The following LRRC72 variants were observed in gnomAD, a reference collection of about 807,000 sequenced individuals.
LRRC72 encodes the protein leucine-rich repeat-containing protein 72.
A neutral mutation model predicts 35.8 loss-of-function variants in LRRC72; 41 were observed. The ratio of observed to expected loss-of-function variants is 1.15; its 90% confidence interval spans 0.89 to 1.49. LRRC72 has a LOEUF of 1.49. Ranked by LOEUF, LRRC72 falls within the 40% of genes most tolerant of loss-of-function variation. LRRC72 has a pLI of 0.00. For missense variants in LRRC72, 389 were observed against 330.7 expected (o/e 1.18, Z -1.37); for synonymous variants, 118 against 119.2 (o/e 0.99, Z 0.07).
chr7:16,529,993 A>T (rs1782133871), intron 1 of LRRC72, among the ~76,000 whole-genome samples: 1 of 152,204 alleles, frequency 6.6e-6, no homozygotes, highest in South Asian at 2.1e-4. Flanking sequence ...TTTTGTATTC[A>T]TATAAATATG....
chr7:16,551,275 A>G (rs2128336487), intron 3 of LRRC72, among the ~76,000 whole-genome samples: 1 of 152,316 alleles, frequency 6.6e-6, no homozygotes, highest in East Asian at 1.9e-4. Context: ...TATTGATGAC[A>G]CTATTTGGGT....
intron 3 of LRRC72, among the ~76,000 whole-genome samples, chr7:16,557,135 G>C (rs1298569156): frequency 6.6e-6 from 1 of 152,100 alleles, no homozygotes; most frequent in East Asian, 1.9e-4. Flanking sequence ...GGTAAGAGAG[G>C]TTTAAGTTAG....
At chr7:16,552,956 T>C (rs558719544) in intron 3 of LRRC72, among the ~76,000 whole-genome samples, 67 of 152,324 alleles carry the variant, frequency 4.4e-4, no homozygotes, top group Middle Eastern at 3.4e-3. Flanking sequence ...TGTGCCTCAG[T>C]TTCATCATCT....
chr7:16,563,354 G>T (rs1782775189), intron 5 of LRRC72, among the ~76,000 whole-genome samples: 1 of 152,036 alleles, frequency 6.6e-6, no homozygotes, highest in East Asian at 1.9e-4. Flanking sequence ...TGTGCGGTAA[G>T]GTAGTAGAGA....
intron 6 of LRRC72, among the ~76,000 whole-genome samples, 188 bp from the exon 7 acceptor site, chr7:16,567,203 G>A (rs1782860112): frequency 6.6e-6 from 1 of 152,100 alleles, no homozygotes; most frequent in Non-Finnish European, 1.5e-5. Context: ...GTGACATGTG[G>A]GGTGTATATT....
At chr7:16,551,870 C>T (rs138200375) in intron 3 of LRRC72, among the ~76,000 whole-genome samples, 31 of 152,176 alleles carry the variant, frequency 2.0e-4, no homozygotes, top group Admixed American at 2.6e-4. Context: ...AATTAACAGC[C>T]AGTTGGTCAG....
chr7:16,577,400 G>C (rs1306010365), intron 7 of LRRC72, among the ~76,000 whole-genome samples: 3 of 152,050 alleles, frequency 2.0e-5, no homozygotes, highest in Non-Finnish European at 4.4e-5. Flanking sequence ...CAGAGAGATT[G>C]AATATCTAAA....
intron 3 of LRRC72, among the ~76,000 whole-genome samples, chr7:16,555,334 T>A (rs1782632360): frequency 6.6e-6 from 1 of 152,164 alleles, no homozygotes; most frequent in Non-Finnish European, 1.5e-5. Flanking sequence ...ATTTTCAAAC[T>A]TCGAATACAA....
At chr7:16,569,529 T>C (rs182669565) in intron 7 of LRRC72, among the ~76,000 whole-genome samples, 24 of 152,316 alleles carry the variant, frequency 1.6e-4, no homozygotes, top group East Asian at 1.5e-3. Context: ...GGAAAATCAA[T>C]GTATTGCCAA....
At chr7:16,546,732 G>A (rs1206652309) in intron 3 of LRRC72, among the ~76,000 whole-genome samples, 1 of 152,036 alleles carries the variant, frequency 6.6e-6, no homozygotes, top group Non-Finnish European at 1.5e-5. Flanking sequence ...ACTGGGGTGT[G>A]CACTGGACCT....
At chr7:16,574,583 G>A (rs539029659) in intron 7 of LRRC72, among the ~76,000 whole-genome samples, 2 of 152,156 alleles carry the variant, frequency 1.3e-5, no homozygotes, top group East Asian at 3.9e-4. Context: ...TCACTCATAA[G>A]TGGGAGTTGA....
intron 5 of LRRC72, among the ~76,000 whole-genome samples, chr7:16,565,386 C>G (rs1429018309): frequency 1.3e-5 from 2 of 148,912 alleles, no homozygotes; most frequent in Admixed American, 1.3e-4. Context: ...TGAGCAAGAT[C>G]ATGCCATTGC....
intron 5 of LRRC72, among the ~76,000 whole-genome samples, chr7:16,565,363 G>A (rs1445234074): frequency 6.6e-6 from 1 of 151,480 alleles, no homozygotes; most frequent in Non-Finnish European, 1.5e-5. Flanking sequence ...AACCCGGGAG[G>A]CAGAGGTTGC....
intron 3 of LRRC72, among the ~76,000 whole-genome samples, chr7:16,539,383 A>C (rs1284384991): frequency 6.6e-6 from 1 of 152,226 alleles, no homozygotes; most frequent in Admixed American, 6.5e-5. Context: ...TGTTCAAGAC[A>C]TAACCTGGCT....
chr7:16,546,868 T>C (rs926084780), intron 3 of LRRC72, among the ~76,000 whole-genome samples: 1 of 152,162 alleles, frequency 6.6e-6, no homozygotes, highest in East Asian at 1.9e-4. Flanking sequence ...CCCACTAAAA[T>C]GTAACACTAC....
At chr7:16,549,825 T>C (rs1466588348) in intron 3 of LRRC72, among the ~76,000 whole-genome samples, 1 of 152,050 alleles carries the variant, frequency 6.6e-6, no homozygotes, top group South Asian at 2.1e-4. Flanking sequence ...AAGTTATAAC[T>C]GTGTCCCATA....
At chr7:16,574,266 A>G (rs977940487) in intron 7 of LRRC72, among the ~76,000 whole-genome samples, 1 of 152,224 alleles carries the variant, frequency 6.6e-6, no homozygotes, top group Non-Finnish European at 1.5e-5. Flanking sequence ...CTAGAACCAG[A>G]AATACAATTT....
intron 3 of LRRC72, among the ~76,000 whole-genome samples, chr7:16,554,710 T>TC (rs1197464371): frequency 1.3e-5 from 2 of 152,110 alleles, no homozygotes; most frequent in Non-Finnish European, 2.9e-5. Context: ...CTCCCTTCAC[T>TC]CCCCCTTACC....
intron 7 of LRRC72, among the ~76,000 whole-genome samples, chr7:16,579,801 T>C (rs1783108636): frequency 6.6e-6 from 1 of 152,170 alleles, no homozygotes; most frequent in Non-Finnish European, 1.5e-5. Context: ...CATTATAAAT[T>C]GACTAAGCTT....
Sources: gnomAD v4.1 joint callset for allele counts (sites outside exome capture counted in the v4.1 genomes callset) on GRCh38, gnomAD v4.1.1 for gene constraint, MANE v1.5 for transcripts, NCBI Gene and HGNC (gene_info 2026-07-23, HGNC 2026-07-21) for gene names.